The following LRIF1 variants were observed in gnomAD, a reference collection of about 807,000 sequenced individuals.
The protein encoded by LRIF1 is ligand dependent nuclear receptor interacting factor 1, also known as ligand-dependent nuclear receptor-interacting factor 1.
A neutral mutation model predicts 52.7 loss-of-function variants in LRIF1; 32 were observed. The ratio of observed to expected loss-of-function variants is 0.61; its 90% CI spans 0.46 to 0.82. LRIF1 has a LOEUF of 0.82. LRIF1 is among the 40% of genes least tolerant of loss of function. LRIF1 has a pLI of 0.00. For missense variants in LRIF1, 887 were observed against 892.0 expected (o/e 0.99, Z 0.07); for synonymous variants, 323 against 317.4 (o/e 1.02, Z -0.19).
chr1:110,959,411 G>A (rs961783713), intron 1 of LRIF1, among the ~76,000 whole-genome samples: 5 of 152,116 alleles, frequency 3.3e-5, no homozygotes, highest in Non-Finnish European at 7.3e-5. Flanking sequence ...ATTAAAATAT[G>A]CAATTGGTCT....
chr1:110,933,643 C>T, the LRIF1 span, among the ~76,000 whole-genome samples: 1 of 152,186 alleles, frequency 6.6e-6, no homozygotes, highest in African/African-American at 2.4e-5. Flanking sequence ...GAACTTAAAC[C>T]AGCCCTAGCC....
chr1:110,892,428 C>T, the LRIF1 span: 7 of 1,613,960 alleles, frequency 4.3e-6, no homozygotes, highest in Non-Finnish European at 8.5e-7. Context: ...ACCTCCCCTC[C>T]CTCACGCTGG....
chr1:110,890,802 G>A, the LRIF1 span, among the ~76,000 whole-genome samples: 1 of 152,268 alleles, frequency 6.6e-6, no homozygotes, highest in East Asian at 1.9e-4. Flanking sequence ...TTGTCTTCTG[G>A]AGGATAGCTA....
chr1:110,946,207 T>G (rs78432490), downstream of LRIF1, among the ~76,000 whole-genome samples: 1 of 152,088 alleles, frequency 6.6e-6, no homozygotes, highest in Non-Finnish European at 1.5e-5. Context: ...TTGAAAACAT[T>G]AGACTAAGTA....
chr1:110,916,460 A>G, the LRIF1 span, among the ~76,000 whole-genome samples: 3 of 152,180 alleles, frequency 2.0e-5, no homozygotes, highest in African/African-American at 7.2e-5. Flanking sequence ...ATAAAACTCA[A>G]AAATGATAAA....
the LRIF1 span, among the ~76,000 whole-genome samples, chr1:110,886,862 TATATA>T: frequency 2.9e-3 from 221 of 77,014 alleles, 1 homozygote; most frequent in African/African-American, 7.7e-3. Flanking sequence ...TATATATATA[TATATA>T]TATTTTTTTT....
the LRIF1 span, chr1:110,891,515 A>G: frequency 6.8e-7 from 1 of 1,469,160 alleles, no homozygotes; most frequent in South Asian, 1.1e-5. Flanking sequence ...ACCTTTACCC[A>G]GCTAAGCTCT....
At chr1:110,896,564 C>A in the LRIF1 span, 1 of 1,230,316 alleles carries the variant, frequency 8.1e-7, no homozygotes, top group Non-Finnish European at 1.2e-6. Context: ...AGAGTCAGAT[C>A]TGAAGGGCAC....
At chr1:110,963,524 CCT>C in intron 1 of LRIF1, 95 bp downstream of exon 1, 2 of 1,022,302 alleles carry the variant, frequency 2.0e-6, no homozygotes, top group Non-Finnish European at 2.9e-6. Context: ...GGCTCCAACT[CCT>C]CTCAACTACA....
chr1:110,963,466 T>C, intron 1 of LRIF1, 155 bp downstream of exon 1: 2 of 559,962 alleles, frequency 3.6e-6, no homozygotes, highest in South Asian at 2.8e-5. Flanking sequence ...CTATGGGCTT[T>C]AAGCGCCGCG....
chr1:110,962,782 C>T (rs1167749849), intron 1 of LRIF1, among the ~76,000 whole-genome samples: 1 of 151,998 alleles, frequency 6.6e-6, no homozygotes, highest in Non-Finnish European at 1.5e-5. Flanking sequence ...CATCTTAGTT[C>T]TTCATTTTCT....
chr1:110,947,737 C>A lies in LRIF1; in HGVS notation c.*222G>T. The stretch of plus-strand genomic sequence containing the variant: ...TAGAAAAATATAAAATTTATCCTTC[C>A]AAAAAAAGGTATCTAAGACAAAGGT... On this transcript the variant is annotated 3_prime_UTR_variant, in exon 4 of 4. Transcript: ENST00000369763. 1 of 403,162 alleles carries A rather than the reference C, an allele frequency of 2.5e-6. No homozygotes were observed. The highest frequency in any genetic ancestry group is 4.2e-5 in the Admixed American group (1 of 23,652). The allele number at this position is 403,162 out of a possible 1,614,324, so 25.0% of individuals were successfully genotyped here.
At chr1:110,921,536 A>G in the LRIF1 span, among the ~76,000 whole-genome samples, 1 of 152,206 alleles carries the variant, frequency 6.6e-6, no homozygotes, top group South Asian at 2.1e-4. Context: ...AAAATCAGGC[A>G]AAATAATAGT....
chr1:110,943,627 C>A (rs1219166565), downstream of LRIF1: 2 of 152,014 alleles, frequency 1.3e-5, no homozygotes, highest in Non-Finnish European at 2.9e-5. Context: ...AAAGAGGCCA[C>A]AATTTTTTCT....
At chr1:110,917,030 G>A in the LRIF1 span, among the ~76,000 whole-genome samples, 1 of 152,148 alleles carries the variant, frequency 6.6e-6, no homozygotes, top group Non-Finnish European at 1.5e-5. Context: ...CGAGTTCAGG[G>A]CAGAGTCACC....
At chr1:110,900,218 C>T in the LRIF1 span, among the ~76,000 whole-genome samples, 11 of 152,324 alleles carry the variant, frequency 7.2e-5, no homozygotes, top group East Asian at 7.7e-4. Flanking sequence ...CAGGCTCTCT[C>T]ACATCGCTGT....
In LRIF1 at chr1:110,947,881, A is replaced by G. The variant is rs756781034; in HGVS notation, c.*78T>C. ...CTTCATATTCAAAGACACTTTCAGA[A>G]CACACCTACAATTAACTTATTAATG... On this transcript the variant is annotated 3_prime_UTR_variant, in exon 4 of 4. Coordinates refer to ENST00000369763, the MANE Select transcript of LRIF1 (RefSeq NM_018372.4). 1.5e-4 allele frequency: 221 copies of G among 1,500,968 alleles called. No homozygotes were observed. The highest frequency in any genetic ancestry group is 1.9e-4 in the Non-Finnish European group (214 of 1,129,828). The allele number at this position is 1,500,968 out of a possible 1,614,324, so 93.0% of individuals were successfully genotyped here. A position where few individuals can be genotyped will look rare whatever the true frequency, so the allele number is the denominator to read the frequency against.
chr1:110,960,748 T>C (rs1658917121), intron 1 of LRIF1, among the ~76,000 whole-genome samples: 1 of 152,176 alleles, frequency 6.6e-6, no homozygotes, highest in Non-Finnish European at 1.5e-5. Context: ...ATTAACGAAG[T>C]CGGTCTATTT....
the LRIF1 span, among the ~76,000 whole-genome samples, chr1:110,879,904 C>G: frequency 6.6e-6 from 1 of 152,084 alleles, no homozygotes; most frequent in Non-Finnish European, 1.5e-5. Flanking sequence ...CAACCTTAAC[C>G]ACTTCTAAGC....
Sources: allele counts gnomAD v4.1 joint callset (sites outside exome capture counted in the v4.1 genomes callset), GRCh38; gene constraint gnomAD v4.1.1; transcripts MANE v1.5; gene names NCBI Gene and HGNC (gene_info 2026-07-23, HGNC 2026-07-21).